Variants in TRAPPC9 observed in about 807,000 individuals in gnomAD.
The protein encoded by TRAPPC9 is trafficking protein particle complex subunit 9.
A neutral mutation model predicts 124.0 loss-of-function variants in TRAPPC9; 83 were observed. The ratio of observed to expected loss-of-function variants is 0.67; its 90% CI spans 0.56 to 0.80. TRAPPC9 has a LOEUF of 0.80. Among genes scored for constraint, TRAPPC9 ranks in the 30% least tolerant of loss-of-function variants. The pLI, the probability that TRAPPC9 is intolerant of heterozygous loss-of-function variation, is 0.00. For missense variants in TRAPPC9, 1,302 were observed against 1,508.3 expected (o/e 0.86, Z 2.27); for synonymous variants, 638 against 617.5 (o/e 1.03, Z -0.49).
chr8:140,425,219 T>A (rs1390890971), intron 5 of TRAPPC9, among the ~76,000 whole-genome samples: 1 of 152,250 alleles, frequency 6.6e-6, no homozygotes, highest in East Asian at 1.9e-4. Context: ...TGGCGTGGCC[T>A]GGAAGGCAGG....
intron 17 of TRAPPC9, among the ~76,000 whole-genome samples, chr8:140,033,107 C>T (rs1428628827): frequency 1.3e-5 from 2 of 152,128 alleles, no homozygotes; most frequent in African/African-American, 4.8e-5. Context: ...AGGTTTTCTA[C>T]ACTAAGGAGA....
intron 15 of TRAPPC9, among the ~76,000 whole-genome samples, chr8:140,272,745 G>A (rs892762926): frequency 1.3e-5 from 2 of 151,860 alleles, no homozygotes; most frequent in Admixed American, 1.3e-4. Flanking sequence ...GAGGGGAGGA[G>A]GCACCAGGCT....
chr8:139,755,709 T>G (rs1277260360), intron 21 of TRAPPC9, among the ~76,000 whole-genome samples: 237 of 33,228 alleles, frequency 7.1e-3, no homozygotes, highest in Admixed American at 0.012. Flanking sequence ...GATGACAGCA[T>G]GTCGCAGGAG....
chr8:139,732,186 T>C lies in TRAPPC9; in HGVS notation c.3072A>G (p.Gly1024=), dbSNP rs1424449205. The C allele has an allele frequency of 6.3e-7, 1 of 1,593,074 alleles. No homozygotes were observed. The highest frequency in any genetic ancestry group is 1.3e-5 in the African/African-American group (1 of 74,718). The change falls in exon 22 of 23, where the codon GGA becomes GGG. Residue 1024 remains glycine, a synonymous_variant. Coordinates refer to ENST00000438773, the MANE Select transcript of TRAPPC9 (RefSeq NM_001160372.4). Reference sequence around the variant, plus strand: ...CCACAGCCTCGCGGTCACATGGCTGTCCGTCCACCAGCACATCTGTAAGGG... The same window carrying C: ...CCACAGCCTCGCGGTCACATGGCTGCCCGTCCACCAGCACATCTGTAAGGG... ...APLQWDVLVD[G]QPCDREAVAA... is the part of the protein sequence containing the mutation.
chr8:139,980,627 C>G (rs974566315), intron 19 of TRAPPC9, among the ~76,000 whole-genome samples: 1 of 152,240 alleles, frequency 6.6e-6, no homozygotes, highest in Non-Finnish European at 1.5e-5. Context: ...ATCAACCTGC[C>G]GGGCATGGAT....
chr8:140,229,023 CT>C (rs928485991), intron 16 of TRAPPC9, among the ~76,000 whole-genome samples: 2 of 151,804 alleles, frequency 1.3e-5, no homozygotes, highest in Non-Finnish European at 2.9e-5. Flanking sequence ...ATATGCAGAA[CT>C]TTTTTTTAAG....
chr8:139,941,178 G>A (rs1833894775), intron 19 of TRAPPC9, among the ~76,000 whole-genome samples: 1 of 152,218 alleles, frequency 6.6e-6, no homozygotes, highest in African/African-American at 2.4e-5. Context: ...CTTCAGAGCG[G>A]GTGGGCATCC....
chr8:140,398,929 G>A (rs776210215), intron 6 of TRAPPC9, among the ~76,000 whole-genome samples: 9 of 152,208 alleles, frequency 5.9e-5, no homozygotes, highest in Admixed American at 2.0e-4. Flanking sequence ...TTCGTGGGCC[G>A]GGCCCAGGGT....
chr8:139,893,970 AGATAACTCCGACCAGTCCT>A (rs1249642001), intron 20 of TRAPPC9, among the ~76,000 whole-genome samples: 7 of 152,236 alleles, frequency 4.6e-5, no homozygotes, highest in African/African-American at 1.7e-4. Context: ...GCCTGCTCCC[AGATAACTCCGACCAGTCCT>A]GTGAATTCTT....
intron 20 of TRAPPC9, among the ~76,000 whole-genome samples, chr8:139,889,275 C>T (rs181982626): frequency 2.0e-4 from 31 of 152,164 alleles, no homozygotes; most frequent in African/African-American, 4.8e-4. Flanking sequence ...TGGATGTGGG[C>T]GGGGCAGGGA....
chr8:140,375,314 G>A (rs1275100574), intron 7 of TRAPPC9, among the ~76,000 whole-genome samples: 2 of 152,228 alleles, frequency 1.3e-5, no homozygotes, highest in Non-Finnish European at 2.9e-5. Context: ...AGATGTTTAT[G>A]TGAGGTTCCA....
chr8:140,078,511 T>C (rs1376569489), intron 17 of TRAPPC9, among the ~76,000 whole-genome samples: 2 of 151,436 alleles, frequency 1.3e-5, no homozygotes, highest in African/African-American at 4.9e-5. Flanking sequence ...AGGCCAGAGG[T>C]GGGATGGGGC....
chr8:140,232,075 GT>G (rs869114265), intron 16 of TRAPPC9, among the ~76,000 whole-genome samples: 1 of 150,976 alleles, frequency 6.6e-6, no homozygotes, highest in African/African-American at 2.4e-5. Context: ...TGCCCAGCCT[GT>G]TTTTTTTAAA....
intron 19 of TRAPPC9, among the ~76,000 whole-genome samples, chr8:139,977,109 T>TA (rs1245924930): frequency 6.6e-6 from 1 of 152,070 alleles, no homozygotes; most frequent in Non-Finnish European, 1.5e-5. Flanking sequence ...CCTCAAGCAG[T>TA]AAAGCACTTT....
intron 19 of TRAPPC9, among the ~76,000 whole-genome samples, chr8:139,937,745 G>A (rs987860607): frequency 6.6e-6 from 1 of 152,184 alleles, no homozygotes; most frequent in South Asian, 2.1e-4. Flanking sequence ...GCGGAAATGC[G>A]GACGCAAATG....
intron 9 of TRAPPC9, among the ~76,000 whole-genome samples, chr8:140,324,243 A>T (rs544516932): frequency 6.6e-6 from 1 of 152,354 alleles, no homozygotes; most frequent in Non-Finnish European, 1.5e-5. Flanking sequence ...TAATAAGCAT[A>T]ATAAACCTGG....
At chr8:139,778,033 G>T (rs577957127) in intron 21 of TRAPPC9, among the ~76,000 whole-genome samples, 1 of 152,266 alleles carries the variant, frequency 6.6e-6, no homozygotes, top group Non-Finnish European at 1.5e-5. Flanking sequence ...AGATCGGTGG[G>T]GGGTTCCCTT....
rs112414666 is a variant in TRAPPC9 at position 140,254,439 on chromosome 8, T to C, written c.2279-1510A>G. 4.3e-4 allele frequency among the ~76,000 whole-genome samples: 66 copies of C among 152,326 alleles called. 1 individual carries two copies. Among genetic ancestry groups the C allele is most frequent in the Middle Eastern group, 6.8e-3 (2 of 294 alleles). The stretch of plus-strand genomic sequence containing the variant: ...GCAGCCCACATGGCCCTACGTGGCA[T>C]GGTATCCTCCTTCCCCAGCTGTGAG... On this transcript the variant is annotated intron_variant, in intron 15 of 22. Coordinates refer to ENST00000438773, the MANE Select transcript of TRAPPC9 (RefSeq NM_001160372.4).
At chr8:139,885,681 G>T (rs971811068) in intron 21 of TRAPPC9, among the ~76,000 whole-genome samples, 198 bp downstream of exon 21, 1 of 152,218 alleles carries the variant, frequency 6.6e-6, no homozygotes, top group African/African-American at 2.4e-5. Flanking sequence ...TGCCCGCCTA[G>T]GTGAACAAAG....
Sources: gnomAD v4.1 joint callset for allele counts (sites outside exome capture counted in the v4.1 genomes callset) on GRCh38, gnomAD v4.1.1 for gene constraint, MANE v1.5 for transcripts, NCBI Gene and HGNC (gene_info 2026-07-23, HGNC 2026-07-21) for gene names.